Variants in GRM8 observed in about 807,000 individuals in gnomAD.
The protein encoded by GRM8 is glutamate metabotropic receptor 8.
Under a neutral mutation model 87.2 loss-of-function variants are expected in GRM8, and 47 were observed. The ratio of observed to expected loss-of-function variants is 0.54; its 90% CI spans 0.43 to 0.69. The LOEUF (loss-of-function observed/expected upper bound fraction) is 0.69, where lower values mean the gene tolerates loss of function less well. Ranked by LOEUF, GRM8 falls within the 30% of genes least tolerant of loss-of-function variation. The pLI is 0.00. For synonymous variants in GRM8, 396 were observed against 404.5 expected (o/e 0.98, Z 0.25); for missense variants, 1,019 against 1,139.2 (o/e 0.89, Z 1.52).
intron 3 of GRM8, among the ~76,000 whole-genome samples, chr7:126,986,067 A>G (rs1226090218): frequency 2.6e-5 from 4 of 152,036 alleles, no homozygotes; most frequent in Non-Finnish European, 4.4e-5. Context: ...GCTGGAGTCC[A>G]GTGGTACAAT....
In GRM8 at chr7:126,664,926, TA is replaced by T. The variant is rs1191035554; in HGVS notation, c.1358-55429del. 2.0e-5 allele frequency among the ~76,000 whole-genome samples: 3 copies of T among 152,000 alleles called. No homozygotes were observed. In the East Asian group the frequency reaches 5.8e-4, roughly 29 times the overall value. On this transcript the variant is annotated intron_variant, in intron 7 of 10. Coordinates refer to ENST00000339582, the MANE Select transcript of GRM8 (RefSeq NM_000845.3). ...CTTAAACAATTCAGCAAGACAATTG[TA>T]AAAACCAATAACTCCACTAAACAGT...
chr7:126,933,330 G>A (rs1171405384), intron 3 of GRM8, among the ~76,000 whole-genome samples: 4 of 152,224 alleles, frequency 2.6e-5, no homozygotes, highest in African/African-American at 7.2e-5. Context: ...AGTACATCCT[G>A]GAAAGAGTTA....
chr7:127,131,464 T>C (rs1419772136), intron 2 of GRM8, among the ~76,000 whole-genome samples: 3 of 152,192 alleles, frequency 2.0e-5, no homozygotes, highest in Non-Finnish European at 4.4e-5. Flanking sequence ...TTTTAAACTA[T>C]TTATCTGGAA....
intron 6 of GRM8, among the ~76,000 whole-genome samples, chr7:126,858,176 G>T (rs1797849907): frequency 6.6e-6 from 1 of 151,998 alleles, no homozygotes. Flanking sequence ...ATATACATTT[G>T]GAAGTGATAG....
At chr7:127,092,271 A>G in intron 3 of GRM8, among the ~76,000 whole-genome samples, 1 of 152,084 alleles carries the variant, frequency 6.6e-6, no homozygotes, top group Non-Finnish European at 1.5e-5. Flanking sequence ...TTTGAATAAA[A>G]TCCCTCCTTA....
At chr7:127,036,290 G>A (rs1817833739) in intron 3 of GRM8, among the ~76,000 whole-genome samples, 1 of 152,084 alleles carries the variant, frequency 6.6e-6, no homozygotes, top group African/African-American at 2.4e-5. Context: ...CCTTCTTAAT[G>A]GAAGTGGGGT....
At chr7:126,592,123 T>C (rs945197500) in intron 8 of GRM8, among the ~76,000 whole-genome samples, 4 of 141,006 alleles carry the variant, frequency 2.8e-5, no homozygotes, top group African/African-American at 7.9e-5. Context: ...AGTAAGGAGA[T>C]TGAATCAATA....
intron 9 of GRM8, among the ~76,000 whole-genome samples, chr7:126,457,887 C>T (rs1244280772): frequency 1.3e-5 from 2 of 150,038 alleles, no homozygotes; most frequent in African/African-American, 2.4e-5. Context: ...AATTAAACCA[C>T]TCACAAGGTT....
At chr7:126,906,678 C>A (rs140755214) in intron 3 of GRM8, among the ~76,000 whole-genome samples, 2 of 152,136 alleles carry the variant, frequency 1.3e-5, no homozygotes, top group Non-Finnish European at 2.9e-5. Flanking sequence ...TGTGATCGGA[C>A]CTAATATGTA....
intron 2 of GRM8, among the ~76,000 whole-genome samples, chr7:127,147,824 TATTG>T (rs1828636036): frequency 6.6e-6 from 1 of 152,092 alleles, no homozygotes; most frequent in Non-Finnish European, 1.5e-5. Context: ...TTTGTAAAAT[TATTG>T]ATGCCTCAAA....
At chr7:126,983,190 T>G (rs557291825) in intron 3 of GRM8, among the ~76,000 whole-genome samples, 12 of 152,300 alleles carry the variant, frequency 7.9e-5, no homozygotes, top group African/African-American at 2.4e-4. Flanking sequence ...CTAAGACTTC[T>G]AGGCCAGCAG....
At chr7:127,109,541 A>G (rs1019103478) in intron 2 of GRM8, among the ~76,000 whole-genome samples, 7 of 152,128 alleles carry the variant, frequency 4.6e-5, no homozygotes, top group Admixed American at 1.3e-4. Flanking sequence ...GATCCTCTAT[A>G]CAAATTCAAT....
chr7:127,236,080 T>C (rs1797966791), intron 2 of GRM8, among the ~76,000 whole-genome samples: 1 of 152,234 alleles, frequency 6.6e-6, no homozygotes, highest in African/African-American at 2.4e-5. Context: ...ATGTGATGGT[T>C]TATGTTTACA....
chr7:126,976,607 C>CA (rs1372687587), intron 3 of GRM8, among the ~76,000 whole-genome samples: 7 of 151,368 alleles, frequency 4.6e-5, no homozygotes, highest in East Asian at 3.9e-4. Flanking sequence ...ACAACAACAA[C>CA]AACAAAAAAA....
At chr7:126,920,614 T>C (rs1241912324) in intron 3 of GRM8, among the ~76,000 whole-genome samples, 1 of 152,086 alleles carries the variant, frequency 6.6e-6, no homozygotes, top group African/African-American at 2.4e-5. Flanking sequence ...ATGGAGTTGG[T>C]TGAAAATCTC....
At chr7:126,643,930 A>C (rs1467778951) in intron 7 of GRM8, among the ~76,000 whole-genome samples, 1 of 152,242 alleles carries the variant, frequency 6.6e-6, no homozygotes, top group Non-Finnish European at 1.5e-5. Context: ...ATATATGATA[A>C]AGGCTTAGAC....
intron 9 of GRM8, among the ~76,000 whole-genome samples, chr7:126,466,472 T>C (rs1011222858): frequency 1.3e-5 from 2 of 151,974 alleles, no homozygotes; most frequent in Non-Finnish European, 1.5e-5. Context: ...GTTCTCCAAA[T>C]ACCAATTTCC....
intron 3 of GRM8, among the ~76,000 whole-genome samples, chr7:126,978,320 A>G (rs1348899386): frequency 6.6e-6 from 1 of 152,174 alleles, no homozygotes; most frequent in African/African-American, 2.4e-5. Context: ...AAGTACTGCA[A>G]TACAAGCATG....
intron 2 of GRM8, among the ~76,000 whole-genome samples, chr7:127,110,809 A>G (rs1447059972): frequency 6.6e-6 from 1 of 152,102 alleles, no homozygotes. Flanking sequence ...ACTTTCCCCA[A>G]CATGGAGGGG....
Sources: gnomAD v4.1 joint callset for allele counts (sites outside exome capture counted in the v4.1 genomes callset) on GRCh38, gnomAD v4.1.1 for gene constraint, MANE v1.5 for transcripts, NCBI Gene and HGNC (gene_info 2026-07-23, HGNC 2026-07-21) for gene names.